FEM1A: variants seen among roughly 807,000 people sequenced by gnomAD.
FEM1A encodes protein fem-1 homolog A.
In FEM1A, 1 loss-of-function variant was observed where a neutral mutation model predicts 0.7. The ratio of observed to expected loss-of-function variants is 1.35; its 90% confidence interval spans 0.48 to 6.40. The LOEUF is 6.40. Among genes scored for constraint, FEM1A ranks in the 30% most tolerant of loss-of-function variants. The pLI, the probability that FEM1A is intolerant of heterozygous loss-of-function variation, is 0.14. For synonymous variants in FEM1A, 391 were observed against 420.6 expected, an observed-to-expected ratio of 0.93 and a Z score of 0.86; for missense variants, 721 against 918.7, an observed-to-expected ratio of 0.78 and a Z score of 2.78.
In FEM1A at chr19:4,793,382, T is replaced by C. The variant is rs771857085; in HGVS notation, c.1528T>C (p.Cys510Arg). 1 of 1,611,698 alleles carries C rather than the reference T, an allele frequency of 6.2e-7. No individual in the cohort carries two copies. The highest frequency in any genetic ancestry group is 1.7e-5 in the Admixed American group (1 of 59,952). The change falls in exon 1 of 1, where the codon TGC (cysteine) becomes CGC (arginine). Residue 510 changes from cysteine to arginine, a missense_variant. This residue lies in a region of FEM1A where 379 missense variants were observed against 454.8 expected (regional missense o/e 0.83). Coordinates refer to ENST00000269856, the MANE Select transcript of FEM1A (RefSeq NM_018708.3). The surrounding 1 kb of genome is among the most constrained non-coding windows in gnomAD (Gnocchi z 5.1). The stretch of plus-strand genomic sequence containing the variant: ...GCTCTACCTGCTGGAGAAAGTGGAG[T>C]GCACCCCCAGCCAGGAGCACCTGAA... ...HLLYLLEKVE[C>R]TPSQEHLKHQ...
rs1305274856 is a variant in FEM1A at position 4,791,884 on chromosome 19, C to T, written c.30C>T (p.Ala10=). Reference sequence around the variant, plus strand: ...ACCTCCGCACCGCCGTGTACAACGCCGCCCGTGATGGCAAGCTGCAGCTGC... The same window carrying T: ...ACCTCCGCACCGCCGTGTACAACGCTGCCCGTGATGGCAAGCTGCAGCTGC... The part of the protein sequence containing the change: MDLRTAVYN[A]ARDGKLQLLQ... Residue 10 remains alanine, a synonymous_variant, in exon 1 of 1, where the codon GCC becomes GCT. Transcript: ENST00000269856. 6 of 1,520,560 alleles carry T rather than the reference C, an allele frequency of 3.9e-6. No homozygotes were observed. Among genetic ancestry groups the T allele is most frequent in the Non-Finnish European group, 5.3e-6 (6 of 1,140,744 alleles). The allele number at this position is 1,520,560 out of a possible 1,614,324, so 94.2% of individuals were successfully genotyped here.
rs909723265 is a variant in FEM1A, at chr19:4,799,835, G to A, written c.*5971G>A. 4 of 142,764 alleles carry A rather than the reference G, an allele frequency of 2.8e-5. No individual in the cohort carries two copies. Among genetic ancestry groups the A allele is most frequent in the Non-Finnish European group, 6.0e-5 (4 of 66,292 alleles). 8.8% of individuals were successfully genotyped at this position (142,764 alleles called of 1,614,324 possible). On this transcript the variant is annotated 3_prime_UTR_variant, in exon 1 of 1. Transcript: ENST00000269856. ...GCAGGAGAGTGGCGTGAACCCGGGA[G>A]GCGGAGTTACAGTGAGCCGAGATCG...
chr19:4,792,079 C>T lies in FEM1A; in HGVS notation c.225C>T (p.His75=). Residue 75 remains histidine (H), a synonymous_variant, in exon 1 of 1, where the codon CAC becomes CAT. Transcript: ENST00000269856. The surrounding 1 kb of genome is among the most constrained non-coding windows in gnomAD (Gnocchi z 6.7). ...GCGTGGAGGCCGGTGGCTCGGTGCA[C>T]TTCGATGGCGAGACCATCGAGGGCG... ...GASVEAGGSV[H]FDGETIEGAP... is the part of the protein sequence containing the mutation. 1.3e-6 allele frequency: 2 copies of T among 1,532,252 alleles called. No homozygotes were observed. The highest frequency in any genetic ancestry group is 1.7e-6 in the Non-Finnish European group (2 of 1,146,878). The allele number at this position is 1,532,252 out of a possible 1,614,324, so 94.9% of individuals were successfully genotyped here.
chr19:4,795,052 G>A lies in FEM1A; in HGVS notation c.*1188G>A, dbSNP rs575649837. 8 of 167,168 alleles carry A rather than the reference G, an allele frequency of 4.8e-5. No homozygotes were observed. Among genetic ancestry groups the A allele is most frequent in the South Asian group, 2.1e-4 (1 of 4,822 alleles). 10.4% of individuals were successfully genotyped at this position (167,168 alleles called of 1,614,324 possible). A position where few individuals can be genotyped will look rare whatever the true frequency, so the allele number is the denominator to read the frequency against. Reference sequence around the variant, plus strand: ...AAAGGCCCAAGTACAGTCTTAATGCGATAAATCCACTAGCTAAGACGTCGA... The same window carrying A: ...AAAGGCCCAAGTACAGTCTTAATGCAATAAATCCACTAGCTAAGACGTCGA... On this transcript the variant is annotated 3_prime_UTR_variant, in exon 1 of 1. Transcript: ENST00000269856.
Position 4,793,511 on chromosome 19 carries a change from T to C in FEM1A, c.1657T>C (p.Tyr553His). The C allele has an allele frequency of 6.2e-7, 1 of 1,613,068 alleles. No homozygotes were observed. Among genetic ancestry groups the C allele is most frequent in the South Asian group, 1.1e-5 (1 of 91,040 alleles). Residue 553 changes from tyrosine (Y) to histidine (H), a missense_variant, in exon 1 of 1, where the codon TAT becomes CAT. By Grantham distance (83) the Tyr-to-His change is moderately conservative. This residue lies in a region of FEM1A where 379 missense variants were observed against 454.8 expected (regional missense o/e 0.83). Transcript: ENST00000269856. This position sits in a 1 kb window ranked among gnomAD's most constrained non-coding sequence, Gnocchi z 5.1. ...CAAGGACACCACAAACGTGGGCCGC[T>C]ATCCCGTGGGCAGATTCCCCTCCCT... ...VDKDTTNVGR[Y>H]PVGRFPSLHV...
rs1383808159 is a variant in FEM1A, at chr19:4,793,089, T to C, written c.1235T>C (p.Leu412Ser). 1 of 1,613,592 alleles carries C rather than the reference T, an allele frequency of 6.2e-7. No homozygotes were observed. The highest frequency in any genetic ancestry group is 1.3e-5 in the African/African-American group (1 of 74,998). The change falls in exon 1 of 1, where the codon TTG becomes TCG. Residue 412 changes from leucine (L) to serine (S), a missense_variant. Physicochemically the swap from Leu to Ser is moderately radical, Grantham distance 145. This residue lies in a region of FEM1A where 379 missense variants were observed against 454.8 expected (regional missense o/e 0.83). Transcript: ENST00000269856. This position sits in a 1 kb window ranked among gnomAD's most constrained non-coding sequence, Gnocchi z 5.1. ...DSGNFERCIR[L>S]WKYALDMQQS... Reference sequence around the variant, plus strand: ...GGCAATTTCGAGCGCTGCATCCGCTTGTGGAAGTACGCCCTGGACATGCAA... The same window carrying C: ...GGCAATTTCGAGCGCTGCATCCGCTCGTGGAAGTACGCCCTGGACATGCAA...
rs991528845 is a variant in FEM1A, at chr19:4,801,065, C to T, written c.*7201C>T. On this transcript the variant is annotated 3_prime_UTR_variant, in exon 1 of 1. Transcript: ENST00000269856. The stretch of plus-strand genomic sequence containing the variant: ...TTTCCCCAGTGGGTTGTACAAGACA[C>T]CTTGAACTTCTGCATGAACTGGGAC... The T allele has an allele frequency of 1.3e-5, 2 of 152,292 alleles. No individual in the cohort carries two copies. Among genetic ancestry groups the T allele is most frequent in the African/African-American group, 4.8e-5 (2 of 41,570 alleles). The allele number at this position is 152,292 out of a possible 1,614,324, so 9.4% of individuals were successfully genotyped here.
chr19:4,792,387 G>A lies in FEM1A; in HGVS notation c.533G>A (p.Arg178Gln), dbSNP rs749552961. The A allele has an allele frequency of 1.9e-6, 3 of 1,595,020 alleles. No homozygotes were observed. The highest frequency in any genetic ancestry group is 2.7e-5 in the African/African-American group (2 of 74,854). ...YLLEQGAQVNRRSAKGNTALH... is the reference protein window; with the variant it reads ...YLLEQGAQVNQRSAKGNTALH... The stretch of plus-strand genomic sequence containing the variant: ...CTGGAGCAGGGCGCCCAGGTGAACC[G>A]GCGCAGCGCCAAGGGCAACACGGCC... The change falls in exon 1 of 1, where the codon CGG becomes CAG. Residue 178 changes from arginine to glutamine, a missense_variant. Transcript: ENST00000269856. The surrounding 1 kb of genome is among the most constrained non-coding windows in gnomAD (Gnocchi z 6.7).
At position 4,794,185 on chromosome 19, in the gene FEM1A, C is replaced by T. The variant is rs1304201375; in HGVS notation, c.*321C>T. 8.6e-6 allele frequency: 3 copies of T among 347,126 alleles called. No individual in the cohort carries two copies. The highest frequency in any genetic ancestry group is 1.7e-5 in the Non-Finnish European group (3 of 175,716). 21.5% of individuals were successfully genotyped at this position (347,126 alleles called of 1,614,324 possible). On this transcript the variant is annotated 3_prime_UTR_variant, in exon 1 of 1. Coordinates refer to ENST00000269856, the MANE Select transcript of FEM1A (RefSeq NM_018708.3). ...AGGCCTTTGCCTTGTTACCTAGAGG[C>T]GGAGGGACTGAAGCCATTGCGTTCC...
chr19:4,792,927 A>T lies in FEM1A; in HGVS notation c.1073A>T (p.Glu358Val). Residue 358 changes from glutamate to valine, a missense_variant, in exon 1 of 1, where the codon GAG becomes GTG. By Grantham distance (121) the Glu-to-Val change is moderately radical (BLOSUM62 -2). Transcript: ENST00000269856. The surrounding 1 kb of genome is among the most constrained non-coding windows in gnomAD (Gnocchi z 6.7). ...TATTCCAGGGAGGTCAACACCACCG[A>T]GGAGCTGGAGGCGCTGATCACCGAC... ...YDYSREVNTTEELEALITDPD... is the reference protein window; with the variant it reads ...YDYSREVNTTVELEALITDPD... The T allele has an allele frequency of 6.2e-7, 1 of 1,612,292 alleles. No homozygotes were observed. Among genetic ancestry groups the T allele is most frequent in the Non-Finnish European group, 8.5e-7 (1 of 1,179,730 alleles).
At position 4,792,845 on chromosome 19, in the gene FEM1A, C is replaced by T; in HGVS notation, c.991C>T (p.Gln331Ter). 6.2e-7 allele frequency: 1 copy of T among 1,612,160 alleles called. No homozygotes were observed. The highest frequency in any genetic ancestry group is 8.5e-7 in the Non-Finnish European group (1 of 1,180,000). The change falls in exon 1 of 1, where the codon CAG becomes TAG. Residue 331 changes from glutamine to a stop codon, truncating the protein, a stop_gained. Coordinates refer to ENST00000269856, the MANE Select transcript of FEM1A (RefSeq NM_018708.3). LOFTEE classifies it low-confidence loss of function (END_TRUNC). The surrounding 1 kb of genome is among the most constrained non-coding windows in gnomAD (Gnocchi z 6.7). The part of the protein sequence containing the change: ...HWRRAMELRH[Q>*]GGEYLPKPEP... ...GAGGCGGGCCATGGAGCTGCGTCAC[C>T]AGGGGGGCGAGTACCTGCCCAAACC...
chr19:4,791,781 C>A lies in FEM1A; in HGVS notation c.-74C>A. On this transcript the variant is annotated 5_prime_UTR_variant, in exon 1 of 1. Coordinates refer to ENST00000269856, the MANE Select transcript of FEM1A (RefSeq NM_018708.3). ...GAGGGGGACGGTGAAGGTTGCCTCC[C>A]GCCCGTCCGGGCTCTGATCCTCCGT... The A allele has an allele frequency of 7.3e-7, 1 of 1,374,674 alleles. No homozygotes were observed. Among genetic ancestry groups the A allele is most frequent in the Non-Finnish European group, 9.5e-7 (1 of 1,055,604 alleles). The allele number at this position is 1,374,674 out of a possible 1,614,324, so 85.2% of individuals were successfully genotyped here. A position where few individuals can be genotyped will look rare whatever the true frequency, so the allele number is the denominator to read the frequency against.
Position 4,792,728 on chromosome 19 carries a change from A to T in FEM1A, c.874A>T (p.Thr292Ser). 6.2e-7 allele frequency: 1 copy of T among 1,612,026 alleles called. No individual in the cohort carries two copies. Among genetic ancestry groups the T allele is most frequent in the Non-Finnish European group, 8.5e-7 (1 of 1,179,868 alleles). Reference sequence around the variant, plus strand: ...GGAATCTTACGAAAGCTGCTGTCCCACCAGCCGGGAAGCTGCCGTGGAAGC... The same window carrying T: ...GGAATCTTACGAAAGCTGCTGTCCCTCCAGCCGGGAAGCTGCCGTGGAAGC... ...NGESYESCCP[T>S]SREAAVEALE... Residue 292 changes from threonine to serine, a missense_variant, in exon 1 of 1, where the codon ACC becomes TCC. Around this residue, in one of 4 missense-constraint regions of FEM1A, gnomAD observed 137 missense variants for 121.7 expected, o/e 1.13. Coordinates refer to ENST00000269856, the MANE Select transcript of FEM1A (RefSeq NM_018708.3). The surrounding 1 kb of genome is among the most constrained non-coding windows in gnomAD (Gnocchi z 6.7).
In FEM1A at chr19:4,792,665, C is replaced by G. The variant is rs1383416276; in HGVS notation, c.811C>G (p.Pro271Ala). ...GGGGTGTGCGCAGCCTCAGGGGGCT[C>G]CGTGCTGCAGCTCCTCCCCAGAGGA... ...SQGCAQPQGA[P>A]CCSSSPEEPL... The change falls in exon 1 of 1, where the codon CCG (proline) becomes GCG (alanine). Residue 271 changes from proline (P) to alanine (A), a missense_variant. Around this residue, in one of 4 missense-constraint regions of FEM1A, gnomAD observed 137 missense variants for 121.7 expected, o/e 1.13. Transcript: ENST00000269856. This position sits in a 1 kb window ranked among gnomAD's most constrained non-coding sequence, Gnocchi z 6.7. 6.2e-7 allele frequency: 1 copy of G among 1,612,122 alleles called. No homozygotes were observed. Among genetic ancestry groups the G allele is most frequent in the Non-Finnish European group, 8.5e-7 (1 of 1,179,846 alleles).
chr19:4,792,226 C>T lies in FEM1A; in HGVS notation c.372C>T (p.Cys124=), dbSNP rs752459773. ...ACTCCACGCCTCTCCGCGCCGCCTG[C>T]TTCGACGGCCACCTGGAGGTGGTGC... ...RTNSTPLRAA[C]FDGHLEVVRY... The change falls in exon 1 of 1, where the codon TGC becomes TGT. Residue 124 remains cysteine (C), a synonymous_variant. Transcript: ENST00000269856. The surrounding 1 kb of genome is among the most constrained non-coding windows in gnomAD (Gnocchi z 6.7). 21 of 1,506,980 alleles carry T rather than the reference C, an allele frequency of 1.4e-5. No individual in the cohort carries two copies. Among genetic ancestry groups the T allele is most frequent in the Non-Finnish European group, 1.6e-5 (18 of 1,129,582 alleles). The allele number at this position is 1,506,980 out of a possible 1,614,324, so 93.4% of individuals were successfully genotyped here. A position where few individuals can be genotyped will look rare whatever the true frequency, so the allele number is the denominator to read the frequency against.
Position 4,798,336 on chromosome 19 carries a change from C to G in FEM1A, c.*4472C>G. 6.6e-6 allele frequency: 1 copy of G among 151,626 alleles called. No individual in the cohort carries two copies. The highest frequency in any genetic ancestry group is 2.1e-4 in the South Asian group (1 of 4,800). 9.4% of individuals were successfully genotyped at this position (151,626 alleles called of 1,614,324 possible). On this transcript the variant is annotated 3_prime_UTR_variant, in exon 1 of 1. Transcript: ENST00000269856. ...TAAGATGCTTAAGGACAGCCGGGCG[C>G]GGTGGCAGACGCCTGTAATCCCAGC...
Position 4,793,040 on chromosome 19 carries a change from A to G in FEM1A, c.1186A>G (p.Arg396Gly), listed in dbSNP as rs1312576480. ...GGACACTTCCTATTACATCCGTTAC[A>G]GGGGTGCCGTGTACGCCGACTCGGG... ...HPDTSYYIRYRGAVYADSGNF... is the reference protein window; with the variant it reads ...HPDTSYYIRYGGAVYADSGNF... Residue 396 changes from arginine to glycine, a missense_variant, in exon 1 of 1, where the codon AGG becomes GGG. Around this residue, in one of 4 missense-constraint regions of FEM1A, gnomAD observed 379 missense variants for 454.8 expected, o/e 0.83. Transcript: ENST00000269856. This position sits in a 1 kb window ranked among gnomAD's most constrained non-coding sequence, Gnocchi z 5.1. 1 of 1,613,456 alleles carries G rather than the reference A, an allele frequency of 6.2e-7. No homozygotes were observed. Among genetic ancestry groups the G allele is most frequent in the Non-Finnish European group, 8.5e-7 (1 of 1,180,004 alleles).
rs371085186 is a variant in FEM1A at position 4,793,177 on chromosome 19, C to A, written c.1323C>A (p.Leu441=). 1 of 1,613,596 alleles carries A rather than the reference C, an allele frequency of 6.2e-7. No homozygotes were observed. ...TASSFLSFAE[L]FSYVLQDRAA... Reference sequence around the variant, plus strand: ...GCAGCTTCCTCTCCTTCGCGGAACTCTTCTCCTACGTGCTTCAGGACCGGG... The same window carrying A: ...GCAGCTTCCTCTCCTTCGCGGAACTATTCTCCTACGTGCTTCAGGACCGGG... Residue 441 remains leucine (L), a synonymous_variant, in exon 1 of 1, where the codon CTC becomes CTA. Transcript: ENST00000269856. This position sits in a 1 kb window ranked among gnomAD's most constrained non-coding sequence, Gnocchi z 5.1.
chr19:4,794,925 C>G lies in FEM1A; in HGVS notation c.*1061C>G, dbSNP rs2093559392. 1.0e-5 allele frequency: 1 copy of G among 100,448 alleles called. No homozygotes were observed. The highest frequency in any genetic ancestry group is 3.1e-4 in the East Asian group (1 of 3,198). 6.2% of individuals were successfully genotyped at this position (100,448 alleles called of 1,614,324 possible). On this transcript the variant is annotated 3_prime_UTR_variant, in exon 1 of 1. Coordinates refer to ENST00000269856, the MANE Select transcript of FEM1A (RefSeq NM_018708.3). The stretch of plus-strand genomic sequence containing the variant: ...GTGCCCGAGTTAAAACTGCAGGCCA[C>G]TCTGCCTTGCAGTGGCCTCTGATTT...
Sources: allele counts gnomAD v4.1 joint callset, GRCh38; gene constraint gnomAD v4.1.1; regional missense constraint gnomAD v4.1.1; non-coding constraint Gnocchi (gnomAD v3.1); transcripts MANE v1.5; gene names NCBI Gene and HGNC (gene_info 2026-07-23, HGNC 2026-07-21).